SLC24A3: variants seen among roughly 807,000 people sequenced by gnomAD.
SLC24A3 encodes sodium/potassium/calcium exchanger 3.
In SLC24A3, 28 loss-of-function variants were observed where a neutral mutation model predicts 75.8. The observed-to-expected ratio is 0.37, with a 90% CI of 0.27 to 0.51. SLC24A3 has a LOEUF of 0.51. Among genes scored for constraint, SLC24A3 ranks in the 20% least tolerant of loss-of-function variants. SLC24A3 has a pLI of 0.94. For missense variants in SLC24A3, 663 were observed against 847.8 expected, an observed-to-expected ratio of 0.78 and a Z score of 2.71; for synonymous variants, 372 against 334.1, an observed-to-expected ratio of 1.11 and a Z score of -1.24.
At chr20:19,325,807 G>GT (rs1984843300) in intron 2 of SLC24A3, among the ~76,000 whole-genome samples, 4 of 87,610 alleles carry the variant, frequency 4.6e-5, no homozygotes, top group African/African-American at 2.8e-4. Context: ...GAGAGAGAGA[G>GT]AGAGAGAGAG....
At chr20:19,404,911 TGGCTCTATTTTTAAAA>T (rs940204399) in intron 2 of SLC24A3, among the ~76,000 whole-genome samples, 3 of 152,134 alleles carry the variant, frequency 2.0e-5, no homozygotes, top group African/African-American at 7.2e-5. Context: ...AGGGTTGAAA[TGGCTCTATTTTTAAAA>T]GGCCAGTCAG....
At chr20:19,215,137 A>C (rs184902929) in intron 1 of SLC24A3, among the ~76,000 whole-genome samples, 2 of 152,354 alleles carry the variant, frequency 1.3e-5, no homozygotes, top group Non-Finnish European at 2.9e-5. Flanking sequence ...AATGTGTGTG[A>C]ATCTGCAAAT....
At chr20:19,240,689 G>T (rs1982304328) in intron 1 of SLC24A3, among the ~76,000 whole-genome samples, 1 of 152,196 alleles carries the variant, frequency 6.6e-6, no homozygotes, top group Non-Finnish European at 1.5e-5. Context: ...GGGGATGAAG[G>T]TTGGGTTGGG....
chr20:19,216,651 A>G (rs142489959), intron 1 of SLC24A3, among the ~76,000 whole-genome samples: 7 of 151,494 alleles, frequency 4.6e-5, no homozygotes, highest in Non-Finnish European at 8.9e-5. Flanking sequence ...TTACACACAC[A>G]TGCATGTACA....
intron 1 of SLC24A3, among the ~76,000 whole-genome samples, chr20:19,225,877 G>A (rs1026711653): frequency 2.0e-5 from 3 of 152,064 alleles, no homozygotes; most frequent in African/African-American, 7.2e-5. Context: ...GTTAATTTAT[G>A]AACAGAGTTG....
At chr20:19,261,670 T>C (rs1464415133) in intron 1 of SLC24A3, 1 of 152,244 alleles carries the variant, frequency 6.6e-6, no homozygotes, top group African/African-American at 2.4e-5. Context: ...CACAAAAATA[T>C]CTGTGTCCAA....
intron 1 of SLC24A3, among the ~76,000 whole-genome samples, chr20:19,255,679 C>T (rs1982793318): frequency 6.6e-6 from 1 of 152,176 alleles, no homozygotes; most frequent in Admixed American, 6.5e-5. Flanking sequence ...AATACGGGAG[C>T]CATGAGCCAC....
intron 2 of SLC24A3, among the ~76,000 whole-genome samples, chr20:19,316,852 G>A (rs951653328): frequency 1.5e-4 from 23 of 152,138 alleles, no homozygotes; most frequent in South Asian, 2.1e-4. Context: ...TTTATTTTAA[G>A]TTCAGGGGTA....
intron 2 of SLC24A3, among the ~76,000 whole-genome samples, chr20:19,489,441 T>C (rs1988174736): frequency 6.6e-6 from 1 of 152,246 alleles, no homozygotes; most frequent in African/African-American, 2.4e-5. Context: ...CATAGTAATA[T>C]ATTTGAAGTA....
chr20:19,242,558 G>A (rs187416935), intron 1 of SLC24A3: 1 of 152,224 alleles, frequency 6.6e-6, no homozygotes, highest in East Asian at 1.9e-4. Flanking sequence ...CTAAATTCAC[G>A]GGGCAAGTTT....
At chr20:19,717,641 TC>T in intron 16 of SLC24A3, 48 bp downstream of exon 16, 1 of 1,608,648 alleles carries the variant, frequency 6.2e-7, no homozygotes. Context: ...TGTTCTTTCC[TC>T]CCCTTGGTTT....
intron 2 of SLC24A3, among the ~76,000 whole-genome samples, chr20:19,491,421 T>G (rs1361564392): frequency 6.6e-6 from 1 of 152,236 alleles, no homozygotes; most frequent in African/African-American, 2.4e-5. Flanking sequence ...CTGAGTTGGT[T>G]GAACAGAAGT....
chr20:19,631,215 C>T (rs774441665), intron 6 of SLC24A3, among the ~76,000 whole-genome samples: 8 of 152,064 alleles, frequency 5.3e-5, no homozygotes, highest in African/African-American at 1.2e-4. Context: ...CACAAATTAG[C>T]GTAGGCTGGT....
intron 2 of SLC24A3, among the ~76,000 whole-genome samples, chr20:19,291,951 C>G (rs562602032): frequency 4.6e-5 from 7 of 152,348 alleles, no homozygotes; most frequent in Non-Finnish European, 8.8e-5. Context: ...TGGGCACTCA[C>G]AGTACCCACC....
Position 19,331,987 on chromosome 20 carries a change from C to T in SLC24A3, c.271+50900C>T, listed in dbSNP as rs537549121. ...ACATTCCAGGCAGAGGGACCAGCCG[C>T]TGCAAAGGCACCCAAGCCGGAGGGA... On this transcript the variant is annotated intron_variant, in intron 2 of 16. Coordinates refer to ENST00000328041, the MANE Select transcript of SLC24A3 (RefSeq NM_020689.4). 4.7e-4 allele frequency among the ~76,000 whole-genome samples: 71 copies of T among 152,286 alleles called. No homozygotes were observed. The South Asian group carries it at 8.3e-3, about 18-fold the overall frequency.
intron 13 of SLC24A3, chr20:19,693,808 C>G (rs1279152457): frequency 6.1e-6 from 1 of 164,686 alleles, no homozygotes; most frequent in Non-Finnish European, 1.3e-5. Flanking sequence ...CAAGAGAGTA[C>G]GTGGAAACAC....
chr20:19,408,353 T>C (rs1026798937), intron 2 of SLC24A3, among the ~76,000 whole-genome samples: 2 of 152,088 alleles, frequency 1.3e-5, no homozygotes, highest in Non-Finnish European at 2.9e-5. Context: ...AATTTTCCCC[T>C]TTTTCTAGTG....
At chr20:19,563,142 C>A (rs2030902815) in intron 3 of SLC24A3, among the ~76,000 whole-genome samples, 1 of 152,134 alleles carries the variant, frequency 6.6e-6, no homozygotes, top group African/African-American at 2.4e-5. Flanking sequence ...CAACTGAAGA[C>A]AAAAAGCCAT....
At chr20:19,699,510 A>G (rs2180617) in intron 15 of SLC24A3, among the ~76,000 whole-genome samples, 69,876 of 152,152 alleles carry the variant, frequency 0.46, 17,409 homozygotes, top group East Asian at 0.68. Flanking sequence ...TGCAGAAAGC[A>G]TGTGCTTATT....
Sources: allele counts gnomAD v4.1 joint callset (sites outside exome capture counted in the v4.1 genomes callset), GRCh38; gene constraint gnomAD v4.1.1; transcripts MANE v1.5; gene names NCBI Gene and HGNC (gene_info 2026-07-23, HGNC 2026-07-21).